Variants in TAFA4 observed in about 807,000 individuals in gnomAD.
TAFA4 encodes the protein chemokine-like protein TAFA-4.
A neutral mutation model predicts 21.1 loss-of-function variants in TAFA4; 20 were observed. That is an observed-to-expected ratio of 0.95 (90% CI 0.67 to 1.38). The LOEUF is 1.38. TAFA4 is among the 40% of genes most tolerant of loss of function. TAFA4 has a pLI of 0.00. For synonymous variants in TAFA4, 71 were observed against 67.4 expected, an observed-to-expected ratio of 1.05 and a Z score of -0.26; for missense variants, 211 against 180.9, an observed-to-expected ratio of 1.17 and a Z score of -0.95.
At chr3:68,876,820 GA>G (rs1282335944) in intron 3 of TAFA4, among the ~76,000 whole-genome samples, 6 of 152,014 alleles carry the variant, frequency 3.9e-5, no homozygotes, top group African/African-American at 7.2e-5. Context: ...AAAAGAAGAA[GA>G]CAGCTCTAAA....
intron 5 of TAFA4, among the ~76,000 whole-genome samples, chr3:68,735,819 G>T (rs1057443378): frequency 6.6e-6 from 1 of 152,098 alleles, no homozygotes; most frequent in South Asian, 2.1e-4. Context: ...ATTCTTTAAA[G>T]CAGCTTTTCA....
chr3:68,865,315 T>C (rs553866959), intron 3 of TAFA4, among the ~76,000 whole-genome samples: 27 of 152,164 alleles, frequency 1.8e-4, no homozygotes, highest in African/African-American at 6.5e-4. Context: ...CCCAGTGATA[T>C]GGTTTGGCTT....
At chr3:68,768,732 A>G (rs181874757) in intron 3 of TAFA4, among the ~76,000 whole-genome samples, 2 of 152,212 alleles carry the variant, frequency 1.3e-5, no homozygotes, top group Non-Finnish European at 2.9e-5. Flanking sequence ...AATATCGTAT[A>G]TATACACAAT....
At chr3:68,741,660 C>T (rs184730407) in intron 4 of TAFA4, among the ~76,000 whole-genome samples, 21 of 151,828 alleles carry the variant, frequency 1.4e-4, no homozygotes, top group South Asian at 8.3e-4. Context: ...GCGTGGTGGC[C>T]GGTGCTTGTA....
At chr3:68,759,408 A>T (rs1007344552) in intron 3 of TAFA4, among the ~76,000 whole-genome samples, 1 of 152,226 alleles carries the variant, frequency 6.6e-6, no homozygotes, top group Non-Finnish European at 1.5e-5. Context: ...CATGTATGAC[A>T]TACAGTATTG....
chr3:68,774,308 C>T (rs1345064521), intron 3 of TAFA4, among the ~76,000 whole-genome samples: 1 of 152,142 alleles, frequency 6.6e-6, no homozygotes, highest in Non-Finnish European at 1.5e-5. Context: ...ATGGAAATTA[C>T]CCCATACTTC....
chr3:68,798,906 T>C (rs1435930103), intron 3 of TAFA4, among the ~76,000 whole-genome samples: 2 of 152,194 alleles, frequency 1.3e-5, no homozygotes, highest in African/African-American at 4.8e-5. Context: ...TTCAGCGTGG[T>C]CATTGCAATT....
intron 3 of TAFA4, among the ~76,000 whole-genome samples, chr3:68,754,113 A>G (rs968540812): frequency 1.3e-5 from 2 of 152,230 alleles, no homozygotes; most frequent in African/African-American, 4.8e-5. Flanking sequence ...AATTTCAGAC[A>G]TGATGCCCCT....
intron 4 of TAFA4, among the ~76,000 whole-genome samples, chr3:68,743,503 G>A (rs1305150250): frequency 2.6e-5 from 4 of 151,438 alleles, no homozygotes; most frequent in South Asian, 2.1e-4. Context: ...TTGAGCCCGG[G>A]AGGCAGAGGT....
At chr3:68,813,777 A>G (rs1244871129) in intron 3 of TAFA4, among the ~76,000 whole-genome samples, 1 of 152,146 alleles carries the variant, frequency 6.6e-6, no homozygotes, top group Non-Finnish European at 1.5e-5. Flanking sequence ...AACTATTCCA[A>G]TCAATAGAAA....
At chr3:68,930,829 A>G (rs1321562864) in intron 1 of TAFA4, among the ~76,000 whole-genome samples, 1 of 152,226 alleles carries the variant, frequency 6.6e-6, no homozygotes, top group East Asian at 1.9e-4. Context: ...CGAGCTATTG[A>G]AGAATTCTTC....
chr3:68,875,896 A>AT, intron 3 of TAFA4, among the ~76,000 whole-genome samples: 1 of 151,432 alleles, frequency 6.6e-6, no homozygotes, highest in Non-Finnish European at 1.5e-5. Context: ...TACTTTTTCT[A>AT]AATTTAGTAG....
At chr3:68,789,218 G>A (rs993005671) in intron 3 of TAFA4, among the ~76,000 whole-genome samples, 8 of 146,380 alleles carry the variant, frequency 5.5e-5, no homozygotes, top group East Asian at 2.1e-4. Flanking sequence ...GCGACAGAGT[G>A]AGACTCCGTC....
chr3:68,767,587 A>G (rs1206919553), intron 3 of TAFA4, among the ~76,000 whole-genome samples: 1 of 152,086 alleles, frequency 6.6e-6, no homozygotes, highest in Non-Finnish European at 1.5e-5. Context: ...TTAATATATA[A>G]TATATAAAAA....
chr3:68,818,326 T>C (rs1704033299), intron 3 of TAFA4, among the ~76,000 whole-genome samples: 1 of 152,212 alleles, frequency 6.6e-6, no homozygotes, highest in South Asian at 2.1e-4. Context: ...GTGTTGAGGC[T>C]GGTTTGATCT....
intron 1 of TAFA4, among the ~76,000 whole-genome samples, chr3:68,912,199 T>A (rs2107006669): frequency 6.6e-6 from 1 of 152,290 alleles, no homozygotes; most frequent in African/African-American, 2.4e-5. Flanking sequence ...TTTCTACACC[T>A]GCCGGGGCCC....
chr3:68,846,017 A>G (rs1401271804), intron 3 of TAFA4, among the ~76,000 whole-genome samples: 2 of 152,058 alleles, frequency 1.3e-5, no homozygotes, highest in African/African-American at 4.8e-5. Context: ...CTTGAGGAGT[A>G]TCTTTGTGGT....
intron 4 of TAFA4, among the ~76,000 whole-genome samples, chr3:68,751,354 A>G (rs1030890670): frequency 6.6e-6 from 1 of 152,098 alleles, no homozygotes; most frequent in African/African-American, 2.4e-5. Context: ...AAGCGGAAGG[A>G]GAGGTGTGGC....
chr3:68,785,006 A>C (rs1703224591), intron 3 of TAFA4, among the ~76,000 whole-genome samples: 1 of 152,134 alleles, frequency 6.6e-6, no homozygotes, highest in African/African-American at 2.4e-5. Flanking sequence ...TGAGCTAGAT[A>C]CAGAGTGCCG....
Sources: allele counts gnomAD v4.1 joint callset (sites outside exome capture counted in the v4.1 genomes callset), GRCh38; gene constraint gnomAD v4.1.1; transcripts MANE v1.5; gene names NCBI Gene and HGNC (gene_info 2026-07-23, HGNC 2026-07-21).